Variants in SPIDR observed in about 807,000 individuals in gnomAD.
The protein encoded by SPIDR is DNA repair-scaffolding protein.
SPIDR carries 93 observed loss-of-function variants against 104.6 expected under a neutral mutation model. That is an observed-to-expected ratio of 0.89 (90% CI 0.75 to 1.06). SPIDR has a LOEUF of 1.06. Among genes scored for constraint, SPIDR ranks in the 50% least tolerant of loss-of-function variants. The pLI is 0.00. For synonymous variants in SPIDR, 431 were observed against 416.9 expected (o/e 1.03, Z -0.41); for missense variants, 1,154 against 1,111.2 (o/e 1.04, Z -0.55).
intron 8 of SPIDR, among the ~76,000 whole-genome samples, chr8:47,578,940 T>C (rs1212515681): frequency 6.6e-6 from 1 of 152,214 alleles, no homozygotes; most frequent in Admixed American, 6.5e-5. Context: ...AATGAAGTCT[T>C]GTCAAATAAG....
intron 5 of SPIDR, among the ~76,000 whole-genome samples, chr8:47,359,938 C>A (rs182095651): frequency 2.5e-4 from 38 of 152,222 alleles, no homozygotes; most frequent in Non-Finnish European, 5.3e-4. Context: ...TTATCACTCT[C>A]TCTCATTGAA....
At chr8:47,416,168 C>G (rs375091457) in intron 7 of SPIDR, among the ~76,000 whole-genome samples, 52 of 152,246 alleles carry the variant, frequency 3.4e-4, no homozygotes, top group African/African-American at 1.2e-3. Context: ...ACTTGAACCC[C>G]GGAGGCAGAG....
intron 15 of SPIDR, 195 bp from the exon 16 acceptor site, chr8:47,713,294 C>G: frequency 1.4e-6 from 1 of 722,094 alleles, no homozygotes; most frequent in Non-Finnish European, 2.3e-6. Flanking sequence ...TGACTTGAAT[C>G]TCACATTTGA....
chr8:47,336,238 T>G (rs950000042), intron 5 of SPIDR, among the ~76,000 whole-genome samples: 1 of 152,222 alleles, frequency 6.6e-6, no homozygotes, highest in Non-Finnish European at 1.5e-5. Context: ...TGTTTGGTGT[T>G]TTTACACTTT....
At chr8:47,698,860 G>T (rs778423296) in intron 11 of SPIDR, among the ~76,000 whole-genome samples, 93 of 152,218 alleles carry the variant, frequency 6.1e-4, no homozygotes, top group Non-Finnish European at 1.0e-3. Flanking sequence ...GCATGTGAGG[G>T]TCCTGCCAGC....
chr8:47,695,395 C>A (rs1354792224), intron 11 of SPIDR, among the ~76,000 whole-genome samples: 4 of 152,040 alleles, frequency 2.6e-5, no homozygotes, highest in African/African-American at 9.7e-5. Context: ...AAAAATGATT[C>A]CAAGCTCTCT....
chr8:47,504,974 C>T (rs1355582946), intron 8 of SPIDR, among the ~76,000 whole-genome samples: 1 of 152,186 alleles, frequency 6.6e-6, no homozygotes, highest in Non-Finnish European at 1.5e-5. Flanking sequence ...AATGTTGCTG[C>T]CTGATCGTTT....
At chr8:47,713,422 C>T in intron 15 of SPIDR, 67 bp from the exon 16 acceptor site, 1 of 1,604,742 alleles carries the variant, frequency 6.2e-7, no homozygotes. Context: ...GCAAAGGAGA[C>T]TGCCATTATG....
At chr8:47,525,792 AT>A (rs1209508259) in intron 8 of SPIDR, among the ~76,000 whole-genome samples, 5 of 151,578 alleles carry the variant, frequency 3.3e-5, no homozygotes, top group African/African-American at 1.2e-4. Context: ...AAAAAAAAAA[AT>A]CACAAGGCAC....
intron 10 of SPIDR, among the ~76,000 whole-genome samples, chr8:47,662,629 T>G (rs1419650162): frequency 6.6e-6 from 1 of 152,240 alleles, no homozygotes; most frequent in Non-Finnish European, 1.5e-5. Context: ...GAAAATAATT[T>G]TTATCAAATT....
chr8:47,656,612 A>G (rs2072867289), intron 10 of SPIDR, among the ~76,000 whole-genome samples: 1 of 152,246 alleles, frequency 6.6e-6, no homozygotes, highest in Non-Finnish European at 1.5e-5. Context: ...CAGTTCCCCA[A>G]AAAGTTAAAC....
At chr8:47,726,481 AT>A (rs1563676778) in intron 16 of SPIDR, among the ~76,000 whole-genome samples, 1 of 152,212 alleles carries the variant, frequency 6.6e-6, no homozygotes, top group Non-Finnish European at 1.5e-5. Context: ...TCTAGATGAT[AT>A]CTACAATGCT....
chr8:47,510,608 ATGT>A (rs2082169747), intron 8 of SPIDR, among the ~76,000 whole-genome samples: 1 of 152,196 alleles, frequency 6.6e-6, no homozygotes, highest in Admixed American at 6.5e-5. Context: ...AAAAAACAAA[ATGT>A]TGTGTATAAT....
intron 10 of SPIDR, among the ~76,000 whole-genome samples, chr8:47,658,960 A>G (rs2073512646): frequency 1.3e-5 from 2 of 151,026 alleles, no homozygotes; most frequent in Admixed American, 6.6e-5. Context: ...AAAAAAAAAA[A>G]GAAAAGACTC....
In SPIDR at chr8:47,558,312, G is replaced by A. The variant is rs541739297; in HGVS notation, c.1098-37499G>A. Among the ~76,000 whole-genome samples the A allele has an allele frequency of 1.5e-4, 23 of 152,040 alleles. No individual in the cohort carries two copies. In the South Asian group the frequency reaches 4.8e-3, roughly 32 times the overall value. On this transcript the variant is annotated intron_variant, in intron 8 of 19. Coordinates refer to ENST00000297423, the MANE Select transcript of SPIDR (RefSeq NM_001080394.4). ...TCCCTTAAATCTAAAATAAAATAAA[G>A]AATCTAAAATAAAATAAAATTTGTT...
chr8:47,414,929 A>C (rs1563904442), intron 7 of SPIDR, among the ~76,000 whole-genome samples: 1 of 152,022 alleles, frequency 6.6e-6, no homozygotes, highest in Non-Finnish European at 1.5e-5. Context: ...TTTGAGGCAG[A>C]GTCTCGCTCT....
intron 3 of SPIDR, among the ~76,000 whole-genome samples, chr8:47,287,651 C>T (rs1227269814): frequency 6.6e-6 from 1 of 152,156 alleles, no homozygotes; most frequent in Non-Finnish European, 1.5e-5. Context: ...TTTATAGGCT[C>T]TCTGCAAGAA....
At chr8:47,582,954 T>G (rs1018205410) in intron 8 of SPIDR, among the ~76,000 whole-genome samples, 2 of 151,882 alleles carry the variant, frequency 1.3e-5, no homozygotes, top group Non-Finnish European at 2.9e-5. Context: ...GCACTTAGAC[T>G]TCACTGAAGA....
intron 1 of SPIDR, among the ~76,000 whole-genome samples, chr8:47,261,225 G>A (rs2032147692): frequency 6.6e-6 from 1 of 152,206 alleles, no homozygotes; most frequent in South Asian, 2.1e-4. Context: ...GCGGCGGTAC[G>A]GAAAGCGAGG....
Sources: gnomAD v4.1 joint callset for allele counts (sites outside exome capture counted in the v4.1 genomes callset) on GRCh38, gnomAD v4.1.1 for gene constraint, MANE v1.5 for transcripts, NCBI Gene and HGNC (gene_info 2026-07-23, HGNC 2026-07-21) for gene names.